The following SNUPN variants were observed in gnomAD, a reference collection of about 807,000 sequenced individuals.
The protein encoded by SNUPN is snurportin 1.
SNUPN carries 31 observed loss-of-function variants against 39.2 expected under a neutral mutation model. The observed-to-expected ratio is 0.79, with a 90% confidence interval of 0.59 to 1.07. The LOEUF (loss-of-function observed/expected upper bound fraction) is 1.07. Ranked by LOEUF, SNUPN falls within the 50% of genes least tolerant of loss-of-function variation. SNUPN has a pLI of 0.00. For missense variants in SNUPN, 382 were observed against 434.2 expected (o/e 0.88, Z 1.07); for synonymous variants, 132 against 159.0 (o/e 0.83, Z 1.28).
intron 5 of SNUPN, among the ~76,000 whole-genome samples, chr15:75,608,242 G>A (rs749100191): frequency 5.3e-5 from 8 of 152,068 alleles, no homozygotes; most frequent in Non-Finnish European, 1.0e-4. Context: ...AATTAGCTGG[G>A]CATGGTGGCA....
chr15:75,614,045 A>G (rs1892866048), intron 3 of SNUPN, among the ~76,000 whole-genome samples: 1 of 152,072 alleles, frequency 6.6e-6, no homozygotes, highest in African/African-American at 2.4e-5. Flanking sequence ...ATCCCAGCAC[A>G]TTGGGAGGCC....
At position 75,598,586 on chromosome 15, in the gene SNUPN, G is replaced by T; in HGVS notation, c.855C>A (p.Val285=). The change falls in exon 9 of 9, where the codon GTC becomes GTA. Residue 285 remains valine, a synonymous_variant. Transcript: ENST00000308588. Reference sequence around the variant, plus strand: ...GGCCAGCCGGCACAGCTACACCAAGGACATCTGACACCATGTAGGGGCGCA... The same window carrying T: ...GGCCAGCCGGCACAGCTACACCAAGTACATCTGACACCATGTAGGGGCGCA... ...GWLRPYMVSD[V]LGVAVPAGPL... 4.3e-6 allele frequency: 7 copies of T among 1,614,214 alleles called. No homozygotes were observed. Among genetic ancestry groups the T allele is most frequent in the Non-Finnish European group, 5.9e-6 (7 of 1,180,032 alleles).
intron 7 of SNUPN, among the ~76,000 whole-genome samples, chr15:75,603,111 C>T (rs1005733421): frequency 1.1e-4 from 16 of 150,430 alleles, no homozygotes; most frequent in Non-Finnish European, 1.9e-4. Context: ...TGCAGTGGCA[C>T]GATCTCGGCT....
intron 3 of SNUPN, among the ~76,000 whole-genome samples, chr15:75,617,093 G>C (rs187201716): frequency 3.0e-4 from 45 of 152,376 alleles, no homozygotes; most frequent in Admixed American, 9.1e-4. Context: ...CAAGGATATG[G>C]AGTGTGTTAC....
intron 6 of SNUPN, 134 bp downstream of exon 6, chr15:75,607,082 T>G (rs1373005717): frequency 1.4e-6 from 1 of 707,108 alleles, no homozygotes; most frequent in Non-Finnish European, 2.6e-6. Flanking sequence ...CAGGGAGCAT[T>G]AGATAATGTT....
chr15:75,621,116 C>G, intron 1 of SNUPN, 60 bp from the exon 2 acceptor site: 1 of 1,495,386 alleles, frequency 6.7e-7, no homozygotes, highest in Non-Finnish European at 9.2e-7. Context: ...TGTATACAGA[C>G]AGTTATGCAG....
chr15:75,612,030 T>C (rs1178668230), intron 3 of SNUPN, among the ~76,000 whole-genome samples: 1 of 51,324 alleles, frequency 1.9e-5, no homozygotes, highest in Non-Finnish European at 3.4e-5. Context: ...AACTCTTCCT[T>C]TTTTTCCTTT....
At chr15:75,623,953 A>G (rs1184283431) in intron 1 of SNUPN, among the ~76,000 whole-genome samples, 2 of 116,456 alleles carry the variant, frequency 1.7e-5, no homozygotes, top group Admixed American at 9.7e-5. Flanking sequence ...TTTGAGACGG[A>G]GTCTCGCTCT....
chr15:75,609,764 C>A, intron 4 of SNUPN, 113 bp from the exon 5 acceptor site: 1 of 1,147,630 alleles, frequency 8.7e-7, no homozygotes, highest in Non-Finnish European at 1.3e-6. Flanking sequence ...ACAAACCTTC[C>A]TGCAGGAAAG....
chr15:75,624,725 G>C, intron 1 of SNUPN: 2 of 1,273,460 alleles, frequency 1.6e-6, no homozygotes, highest in Non-Finnish European at 2.0e-6. Flanking sequence ...CTTCCTTCAA[G>C]GCTGTTCTTG....
chr15:75,609,851 G>T, intron 4 of SNUPN, 39 bp downstream of exon 4: 1 of 1,492,670 alleles, frequency 6.7e-7, no homozygotes, highest in South Asian at 1.1e-5. Context: ...TCCCACTACA[G>T]ACCAGGCCTA....
chr15:75,607,487 C>T (rs1271976607), intron 5 of SNUPN, among the ~76,000 whole-genome samples, 174 bp from the exon 6 acceptor site: 1 of 152,146 alleles, frequency 6.6e-6, no homozygotes, highest in African/African-American at 2.4e-5. Context: ...GCCTGGCTAC[C>T]AGCTACAGCT....
At chr15:75,610,965 T>C (rs970472930) in intron 3 of SNUPN, among the ~76,000 whole-genome samples, 9 of 151,818 alleles carry the variant, frequency 5.9e-5, no homozygotes, top group Admixed American at 3.3e-4. Context: ...GTCAAGAGAT[T>C]GAGACCATCC....
chr15:75,600,397 C>G (rs543278086), intron 8 of SNUPN, among the ~76,000 whole-genome samples: 1 of 152,164 alleles, frequency 6.6e-6, no homozygotes, highest in Admixed American at 6.5e-5. Context: ...GCCTCAGCCT[C>G]CCGAGTAGCT....
chr15:75,619,286 CAAA>C (rs777315097), intron 2 of SNUPN, among the ~76,000 whole-genome samples: 1 of 120,752 alleles, frequency 8.3e-6, no homozygotes. Context: ...GAGATAGAGT[CAAA>C]AAAAAAAAAA....
intron 7 of SNUPN, among the ~76,000 whole-genome samples, chr15:75,603,079 C>T (rs576273353): frequency 1.3e-5 from 2 of 149,200 alleles, no homozygotes; most frequent in Non-Finnish European, 3.0e-5. Flanking sequence ...GACAAAGTCT[C>T]GCTCCCTCAC....
chr15:75,612,967 T>C (rs998887206), intron 3 of SNUPN, among the ~76,000 whole-genome samples: 1 of 151,998 alleles, frequency 6.6e-6, no homozygotes, highest in Non-Finnish European at 1.5e-5. Context: ...GTATCTAGAA[T>C]ATATTAAAAA....
intron 8 of SNUPN, among the ~76,000 whole-genome samples, chr15:75,599,850 T>C (rs905818464): frequency 2.0e-5 from 3 of 151,822 alleles, no homozygotes; most frequent in South Asian, 2.1e-4. Flanking sequence ...TTTTTTTTTT[T>C]TTTCTTTCTG....
In SNUPN at chr15:75,609,755, CA is replaced by C. The variant is rs919377338; in HGVS notation, c.409-105del. The C allele has an allele frequency of 1.6e-5, 19 of 1,153,692 alleles. No individual in the cohort carries two copies. In the African/African-American group the frequency reaches 2.7e-4, roughly 17 times the overall value. 71.5% of individuals were successfully genotyped at this position (1,153,692 alleles called of 1,614,324 possible). On this transcript the variant is annotated intron_variant, in intron 4 of 8. Transcript: ENST00000308588. ...TTACTCGACCAAAGATGGCTCTCAA[CA>C]AACCTTCCTGCAGGAAAGTGTTTCA...
Sources: allele counts gnomAD v4.1 joint callset (sites outside exome capture counted in the v4.1 genomes callset), GRCh38; gene constraint gnomAD v4.1.1; transcripts MANE v1.5; gene names NCBI Gene and HGNC (gene_info 2026-07-23, HGNC 2026-07-21).